Variants in PDE3A observed in about 807,000 individuals in gnomAD.
The protein encoded by PDE3A is phosphodiesterase 3A, also known as cGMP-inhibited 3',5'-cyclic phosphodiesterase 3A.
In PDE3A, 43 loss-of-function variants were observed where a neutral mutation model predicts 98.3. The observed-to-expected ratio is 0.44, with a 90% CI of 0.34 to 0.56. PDE3A has a LOEUF of 0.56. Ranked by LOEUF, PDE3A falls within the 20% of genes least tolerant of loss-of-function variation. PDE3A has a pLI of 0.01. For synonymous variants in PDE3A, 663 were observed against 567.9 expected (o/e 1.17, Z -2.38); for missense variants, 1,427 against 1,440.7 (o/e 0.99, Z 0.15).
chr12:20,506,731 C>T (rs117048305), intron 1 of PDE3A, among the ~76,000 whole-genome samples: 2 of 151,888 alleles, frequency 1.3e-5, no homozygotes, highest in South Asian at 4.1e-4. Context: ...AGAGAAGTAA[C>T]ATGAAACTTC....
intron 1 of PDE3A, among the ~76,000 whole-genome samples, chr12:20,475,071 C>T (rs1020588308): frequency 6.6e-6 from 1 of 151,594 alleles, no homozygotes; most frequent in African/African-American, 2.4e-5. Context: ...CACTGTTGAT[C>T]AAAAATGAGT....
chr12:20,637,915 GCTATCGAAATACA>G (rs1374333122), intron 9 of PDE3A, among the ~76,000 whole-genome samples: 2 of 152,128 alleles, frequency 1.3e-5, no homozygotes, highest in African/African-American at 4.8e-5. Context: ...CTATGGAATA[GCTATCGAAATACA>G]CACCCTTAAT....
intron 1 of PDE3A, among the ~76,000 whole-genome samples, chr12:20,429,453 TGAA>T (rs1395717650): frequency 6.6e-6 from 1 of 152,200 alleles, no homozygotes; most frequent in Non-Finnish European, 1.5e-5. Context: ...AATAGTGGTA[TGAA>T]GAACATTTTG....
intron 5 of PDE3A, among the ~76,000 whole-genome samples, chr12:20,629,338 A>G (rs1944329973): frequency 6.6e-6 from 1 of 152,180 alleles, no homozygotes; most frequent in Non-Finnish European, 1.5e-5. Context: ...TTCAAAAATT[A>G]TTTTGATCAA....
At chr12:20,386,088 T>TATAAAATATATATA (rs1555140934) in intron 1 of PDE3A, among the ~76,000 whole-genome samples, 1 of 33,754 alleles carries the variant, frequency 3.0e-5, no homozygotes, top group African/African-American at 9.8e-5. Flanking sequence ...TATAAATATA[T>TATAAAATATATATA]AAATATATAT....
chr12:20,633,054 G>A (rs1027087262), intron 6 of PDE3A, among the ~76,000 whole-genome samples: 3 of 147,204 alleles, frequency 2.0e-5, no homozygotes, highest in Admixed American at 1.4e-4. Context: ...AGGTTCAAGC[G>A]ATTCTCCTGC....
At chr12:20,388,682 A>C (rs961134245) in intron 1 of PDE3A, among the ~76,000 whole-genome samples, 8 of 152,040 alleles carry the variant, frequency 5.3e-5, no homozygotes, top group African/African-American at 1.7e-4. Context: ...TGTTTTCTAA[A>C]AATGAGTAAT....
At chr12:20,577,295 G>A (rs890902567) in intron 2 of PDE3A, among the ~76,000 whole-genome samples, 24 of 152,130 alleles carry the variant, frequency 1.6e-4, no homozygotes, top group African/African-American at 5.1e-4. Context: ...TGGGTCAAGA[G>A]TGTTGAAATA....
chr12:20,494,765 A>T (rs76918436), intron 1 of PDE3A, among the ~76,000 whole-genome samples: 8,238 of 151,702 alleles, frequency 0.054, 773 homozygotes, highest in African/African-American at 0.19. Context: ...ATTTAGGACT[A>T]TTTTGCCCTG....
At chr12:20,436,624 C>A (rs1469076464) in intron 1 of PDE3A, among the ~76,000 whole-genome samples, 1 of 152,108 alleles carries the variant, frequency 6.6e-6, no homozygotes, top group Non-Finnish European at 1.5e-5. Flanking sequence ...TTTTAGTCAC[C>A]TTTGCTCTCT....
At chr12:20,667,052 C>A (rs962015858) in intron 15 of PDE3A, among the ~76,000 whole-genome samples, 1 of 152,072 alleles carries the variant, frequency 6.6e-6, no homozygotes, top group African/African-American at 2.4e-5. Context: ...TTTCATATAC[C>A]TGTTGGCCAT....
chr12:20,667,190 T>C (rs1483063221), intron 15 of PDE3A, among the ~76,000 whole-genome samples: 3 of 152,186 alleles, frequency 2.0e-5, no homozygotes, highest in Non-Finnish European at 2.9e-5. Context: ...CCTTGTTGTA[T>C]GAACAATTTG....
chr12:20,607,271 T>C (rs1194482493), intron 2 of PDE3A, among the ~76,000 whole-genome samples: 1 of 151,690 alleles, frequency 6.6e-6, no homozygotes, highest in African/African-American at 2.4e-5. Flanking sequence ...AAACCCCATC[T>C]GTACCAAAAA....
At chr12:20,433,873 G>A (rs1199466800) in intron 1 of PDE3A, among the ~76,000 whole-genome samples, 2 of 152,148 alleles carry the variant, frequency 1.3e-5, no homozygotes, top group East Asian at 1.9e-4. Flanking sequence ...ATCATGTGTA[G>A]ATAGAATTCC....
chr12:20,513,949 C>T (rs1946272470), intron 1 of PDE3A, among the ~76,000 whole-genome samples: 1 of 152,172 alleles, frequency 6.6e-6, no homozygotes, highest in South Asian at 2.1e-4. Context: ...GAATATAACA[C>T]ACATCTGGAA....
chr12:20,411,371 T>A (rs907710171), intron 1 of PDE3A, among the ~76,000 whole-genome samples: 1 of 152,192 alleles, frequency 6.6e-6, no homozygotes, highest in African/African-American at 2.4e-5. Flanking sequence ...CTACTTTAGG[T>A]ACCTTTTAGA....
At chr12:20,586,523 T>G (rs971246515) in intron 2 of PDE3A, among the ~76,000 whole-genome samples, 2 of 152,220 alleles carry the variant, frequency 1.3e-5, no homozygotes, top group Non-Finnish European at 2.9e-5. Context: ...TTAAAATCAC[T>G]TCTCTAACTT....
chr12:20,591,462 A>G (rs1041917388), intron 2 of PDE3A, among the ~76,000 whole-genome samples: 1 of 152,246 alleles, frequency 6.6e-6, no homozygotes, highest in Non-Finnish European at 1.5e-5. Context: ...TAGCATCTCA[A>G]TGCTCATGGC....
chr12:20,476,589 C>T (rs1368043483), intron 1 of PDE3A, among the ~76,000 whole-genome samples: 2 of 152,136 alleles, frequency 1.3e-5, no homozygotes, highest in African/African-American at 4.8e-5. Context: ...CATCTTGTGG[C>T]ATCATACACC....
Sources: gnomAD v4.1 joint callset for allele counts (sites outside exome capture counted in the v4.1 genomes callset) on GRCh38, gnomAD v4.1.1 for gene constraint, MANE v1.5 for transcripts, NCBI Gene and HGNC (gene_info 2026-07-23, HGNC 2026-07-21) for gene names.